The following LARGE1 variants were observed in gnomAD, a reference collection of about 807,000 sequenced individuals.
LARGE1 encodes xylosyl- and glucuronyltransferase LARGE1.
In LARGE1, 43 loss-of-function variants were observed where a neutral mutation model predicts 87.6. The ratio of observed to expected loss-of-function variants is 0.49; its 90% CI spans 0.38 to 0.63. The LOEUF (loss-of-function observed/expected upper bound fraction) is 0.63, where lower values mean the gene tolerates loss of function less well. Ranked by LOEUF, LARGE1 falls within the 30% of genes least tolerant of loss-of-function variation. The probability of loss-of-function intolerance (pLI) is 0.00; values close to 1 mark genes in which losing one functional copy is unlikely to be tolerated. For synonymous variants in LARGE1, 434 were observed against 394.6 expected, an observed-to-expected ratio of 1.10 and a Z score of -1.18; for missense variants, 802 against 1,000.2, an observed-to-expected ratio of 0.80 and a Z score of 2.67.
intron 6 of LARGE1, among the ~76,000 whole-genome samples, chr22:33,563,764 T>C (rs1488187666): frequency 2.6e-5 from 4 of 152,344 alleles, no homozygotes; most frequent in South Asian, 2.1e-4. Flanking sequence ...AGTGTCATTA[T>C]TGACACGAAT....
intron 3 of LARGE1, among the ~76,000 whole-genome samples, chr22:33,649,956 T>C (rs528368524): frequency 6.6e-6 from 1 of 152,318 alleles, no homozygotes; most frequent in African/African-American, 2.4e-5. Flanking sequence ...AGTGAAGTGA[T>C]AATGAGGTCT....
intron 7 of LARGE1, among the ~76,000 whole-genome samples, chr22:33,407,830 C>A (rs2066155806): frequency 6.6e-6 from 1 of 152,108 alleles, no homozygotes; most frequent in Non-Finnish European, 1.5e-5. Context: ...TAATTTCTGT[C>A]TTTGCAGCCT....
chr22:33,665,258 T>C (rs2081234884), intron 2 of LARGE1, among the ~76,000 whole-genome samples: 1 of 152,212 alleles, frequency 6.6e-6, no homozygotes, highest in South Asian at 2.1e-4. Flanking sequence ...TCTCCTCAAG[T>C]ATAAACGTAT....
intron 1 of LARGE1, among the ~76,000 whole-genome samples, chr22:33,865,402 T>G (rs938939838): frequency 6.6e-6 from 1 of 152,218 alleles, no homozygotes. Flanking sequence ...CTTTTTCTTT[T>G]CAAAGTGACA....
chr22:33,899,327 G>A lies in LARGE1; in HGVS notation c.-83+20668C>T, dbSNP rs923375032. ...GCTCTCCCATGTCAAAAATGGAACT[G>A]GGTTTAACGGATCATCAAAGCCTGT... On this transcript the variant is annotated intron_variant, in intron 1 of 14. Coordinates refer to ENST00000397394, the MANE Select transcript of LARGE1 (RefSeq NM_133642.5). Among the ~76,000 whole-genome samples, 4 of 152,192 alleles carry A rather than the reference G, an allele frequency of 2.6e-5. No homozygotes were observed. In the East Asian group the frequency reaches 7.7e-4, roughly 29 times the overall value.
intron 10 of LARGE1, among the ~76,000 whole-genome samples, chr22:33,323,079 G>A (rs113653487): frequency 5.5e-4 from 84 of 152,238 alleles, no homozygotes; most frequent in African/African-American, 1.8e-3. Flanking sequence ...CCGAGATCAC[G>A]CCATTGCACT....
chr22:33,641,175 G>C (rs575821242), intron 3 of LARGE1, among the ~76,000 whole-genome samples: 24 of 152,158 alleles, frequency 1.6e-4, no homozygotes, highest in Non-Finnish European at 1.2e-4. Flanking sequence ...GTGCCCCTCT[G>C]GGACAAAGCT....
intron 1 of LARGE1, among the ~76,000 whole-genome samples, chr22:33,790,354 G>A (rs2085784148): frequency 6.6e-6 from 1 of 152,138 alleles, no homozygotes; most frequent in South Asian, 2.1e-4. Context: ...TTAGCAGCGT[G>A]AGAACATGCT....
intron 6 of LARGE1, among the ~76,000 whole-genome samples, chr22:33,476,061 A>G (rs2069064400): frequency 6.6e-6 from 1 of 152,264 alleles, no homozygotes; most frequent in Non-Finnish European, 1.5e-5. Context: ...AAAGCTACGT[A>G]TCTTCCTCAC....
chr22:33,736,323 G>A (rs116733461), intron 2 of LARGE1, among the ~76,000 whole-genome samples: 2,608 of 152,168 alleles, frequency 0.017, 64 homozygotes, highest in African/African-American at 0.06. Context: ...TTTGATAACC[G>A]CCACCCTAGT....
intron 1 of LARGE1, among the ~76,000 whole-genome samples, chr22:33,764,823 T>C (rs1248156228): frequency 1.3e-5 from 2 of 152,218 alleles, no homozygotes; most frequent in Non-Finnish European, 2.9e-5. Flanking sequence ...GAATGCTACA[T>C]AAATAGTTAT....
the LARGE1 span, among the ~76,000 whole-genome samples, chr22:33,145,849 C>T: frequency 6.6e-6 from 1 of 152,136 alleles, no homozygotes; most frequent in Non-Finnish European, 1.5e-5. Flanking sequence ...CCAATAAAGA[C>T]CAACAACTCA....
At chr22:33,089,368 T>TCTTCTTCTTCTTCTTCTCCTC in the LARGE1 span, among the ~76,000 whole-genome samples, 394 of 78,268 alleles carry the variant, frequency 5.0e-3, 13 homozygotes, top group African/African-American at 0.018. Flanking sequence ...TTCTTCTTCT[T>TCTTCTTCTTCTTCTTCTCCTC]CTCCTTCTTC....
intron 1 of LARGE1, among the ~76,000 whole-genome samples, chr22:33,778,867 T>C (rs2085330506): frequency 1.3e-5 from 2 of 152,130 alleles, no homozygotes; most frequent in South Asian, 2.1e-4. Context: ...GCCAGGCTGG[T>C]CTCGAACTCT....
intron 1 of LARGE1, among the ~76,000 whole-genome samples, chr22:33,857,398 C>T (rs2063785891): frequency 1.3e-5 from 2 of 152,224 alleles, no homozygotes; most frequent in Admixed American, 1.3e-4. Flanking sequence ...AATACTCCCA[C>T]TGGACAGGCA....
intron 2 of LARGE1, among the ~76,000 whole-genome samples, chr22:33,690,038 C>T (rs115318890): frequency 0.013 from 1,953 of 152,324 alleles, 37 homozygotes; most frequent in African/African-American, 0.044. Context: ...GATCACTAGA[C>T]ATCCGTCCTC....
At chr22:33,918,337 T>C (rs1418772050) in intron 1 of LARGE1, among the ~76,000 whole-genome samples, 2 of 152,276 alleles carry the variant, frequency 1.3e-5, no homozygotes, top group East Asian at 1.9e-4. Context: ...GTTAAAAACC[T>C]CTCTCTCCTG....
At chr22:33,223,041 G>A (rs908282090) in intron 11 of LARGE1, among the ~76,000 whole-genome samples, 5 of 152,172 alleles carry the variant, frequency 3.3e-5, no homozygotes, top group African/African-American at 1.2e-4. Flanking sequence ...GCATGGGTGT[G>A]AAGTTGTGCC....
At chr22:33,821,733 G>C (rs1260979548) in intron 1 of LARGE1, among the ~76,000 whole-genome samples, 1 of 97,456 alleles carries the variant, frequency 1.0e-5, no homozygotes, top group Non-Finnish European at 1.9e-5. Flanking sequence ...GTGTGTGCAT[G>C]TATACATACA....
Sources: gnomAD v4.1 joint callset for allele counts (sites outside exome capture counted in the v4.1 genomes callset) on GRCh38, gnomAD v4.1.1 for gene constraint, MANE v1.5 for transcripts, NCBI Gene and HGNC (gene_info 2026-07-23, HGNC 2026-07-21) for gene names.